Variants in AP1S3 observed in about 807,000 individuals in gnomAD.
The protein encoded by AP1S3 is AP-1 complex subunit sigma-3.
AP1S3 carries 10 observed loss-of-function variants against 20.9 expected under a neutral mutation model. The ratio of observed to expected loss-of-function variants is 0.48; its 90% CI spans 0.29 to 0.81. The LOEUF (loss-of-function observed/expected upper bound fraction) is 0.81. AP1S3 is among the 30% of genes least tolerant of loss of function. The pLI, the probability that AP1S3 is intolerant of heterozygous loss-of-function variation, is 0.08. For missense variants in AP1S3, 154 were observed against 183.8 expected (o/e 0.84, Z 0.94); for synonymous variants, 41 against 61.5 (o/e 0.67, Z 1.56).
At chr2:223,798,498 C>A (rs923434405) in intron 1 of AP1S3, among the ~76,000 whole-genome samples, 1 of 152,170 alleles carries the variant, frequency 6.6e-6, no homozygotes, top group Non-Finnish European at 1.5e-5. Context: ...AAGTAACCTG[C>A]AGAATAAAAG....
chr2:223,822,362 GAC>G (rs1244224658), intron 1 of AP1S3, among the ~76,000 whole-genome samples: 3 of 149,418 alleles, frequency 2.0e-5, no homozygotes, highest in Non-Finnish European at 4.4e-5. Context: ...CAGCCTGAGT[GAC>G]ACAGTAAGAT....
chr2:223,769,977 C>T (rs1289046191), intron 3 of AP1S3, among the ~76,000 whole-genome samples: 1 of 152,018 alleles, frequency 6.6e-6, no homozygotes, highest in African/African-American at 2.4e-5. Flanking sequence ...ATCTCCTGAC[C>T]TCGTGATCCA....
At chr2:223,772,897 C>A (rs1175074449) in intron 3 of AP1S3, among the ~76,000 whole-genome samples, 4 of 152,192 alleles carry the variant, frequency 2.6e-5, no homozygotes, top group Non-Finnish European at 5.9e-5. Flanking sequence ...TTGCTCATCA[C>A]TGTTAATTAA....
intron 1 of AP1S3, among the ~76,000 whole-genome samples, chr2:223,836,353 T>G (rs1405317182): frequency 1.3e-5 from 2 of 152,100 alleles, no homozygotes; most frequent in Non-Finnish European, 2.9e-5. Context: ...TCACCAGATC[T>G]CTCATCAGCA....
intron 1 of AP1S3, among the ~76,000 whole-genome samples, chr2:223,784,335 G>A (rs1193344915): frequency 2.6e-5 from 4 of 152,104 alleles, no homozygotes; most frequent in African/African-American, 4.8e-5. Flanking sequence ...TCTGAGGAGA[G>A]GATAAAAGCC....
At chr2:223,806,240 G>C (rs1691576445) in intron 1 of AP1S3, among the ~76,000 whole-genome samples, 9 of 151,284 alleles carry the variant, frequency 5.9e-5, no homozygotes, top group Admixed American at 5.3e-4. Flanking sequence ...CATGTGAAAG[G>C]AATGGTCACA....
At chr2:223,795,915 G>A (rs954395214) in intron 1 of AP1S3, among the ~76,000 whole-genome samples, 1 of 152,192 alleles carries the variant, frequency 6.6e-6, no homozygotes, top group African/African-American at 2.4e-5. Context: ...GCTCACGCCT[G>A]TAATCCCAGC....
chr2:223,776,055 C>T, intron 2 of AP1S3, 46 bp from the exon 3 acceptor site: 1 of 1,466,064 alleles, frequency 6.8e-7, no homozygotes, highest in Admixed American at 1.8e-5. Context: ...ATACATTAAG[C>T]AACCTGGAGA....
At chr2:223,765,501 G>C in intron 3 of AP1S3, 151 bp from the exon 4 acceptor site, 1 of 754,238 alleles carries the variant, frequency 1.3e-6, no homozygotes, top group South Asian at 2.1e-5. Flanking sequence ...AAAAGAACAG[G>C]GAATGTCAGG....
intron 1 of AP1S3, among the ~76,000 whole-genome samples, chr2:223,830,384 C>A (rs1169751730): frequency 6.7e-6 from 1 of 150,028 alleles, no homozygotes; most frequent in African/African-American, 2.5e-5. Context: ...GAGACTGAGG[C>A]AGGAGAATTG....
intron 4 of AP1S3, among the ~76,000 whole-genome samples, chr2:223,763,491 TA>T (rs67644770): frequency 0.2 from 30,852 of 151,412 alleles, 5,656 homozygotes; most frequent in African/African-American, 0.47. Context: ...GTCCTGAAGT[TA>T]AAAAAAAACC....
rs957810268 is a variant in AP1S3, at chr2:223,758,626, C to T, written c.*89G>A. The T allele has an allele frequency of 5.5e-5, 80 of 1,465,066 alleles. No homozygotes were observed. The Middle Eastern group carries it at 8.9e-4, about 16-fold the overall frequency. The allele number at this position is 1,465,066 out of a possible 1,614,324, so 90.8% of individuals were successfully genotyped here. A position where few individuals can be genotyped will look rare whatever the true frequency, so the allele number is the denominator to read the frequency against. ...CTTTAAATTATTTTTGGCATGGTGC[C>T]TGAGGCTCCATCAAAAAACCGGATG... is the stretch of plus-strand genomic sequence containing the variant. On this transcript the variant is annotated 3_prime_UTR_variant, in exon 5 of 5. Coordinates refer to ENST00000396654, the MANE Select transcript of AP1S3 (RefSeq NM_001039569.2).
chr2:223,824,812 G>A (rs1175073097), intron 1 of AP1S3, among the ~76,000 whole-genome samples: 1 of 152,280 alleles, frequency 6.6e-6, no homozygotes, highest in East Asian at 1.9e-4. Flanking sequence ...TGGGATTGCA[G>A]GCGTAAGCCA....
At chr2:223,793,292 A>T (rs572072092) in intron 1 of AP1S3, among the ~76,000 whole-genome samples, 70 of 152,322 alleles carry the variant, frequency 4.6e-4, no homozygotes, top group African/African-American at 1.5e-3. Context: ...TTGCAGCACC[A>T]TTCACAATAG....
At position 223,837,532 on chromosome 2, in the gene AP1S3, T is replaced by C; in HGVS notation, c.-82A>G. The C allele has an allele frequency of 1.0e-6, 1 of 997,758 alleles. No homozygotes were observed. Among genetic ancestry groups the C allele is most frequent in the South Asian group, 4.1e-5 (1 of 24,452 alleles). 61.8% of individuals were successfully genotyped at this position (997,758 alleles called of 1,614,324 possible). On this transcript the variant is annotated 5_prime_UTR_variant, in exon 1 of 5. Transcript: ENST00000396654. Reference sequence around the variant, plus strand: ...GGCGAGAGGCGAGCGCTGGAGCCGGTGCGGCTGACAGGTGAGGCGCCCGGC... The same window carrying C: ...GGCGAGAGGCGAGCGCTGGAGCCGGCGCGGCTGACAGGTGAGGCGCCCGGC...
In AP1S3 at chr2:223,777,755, G is replaced by C; in HGVS notation, c.118C>G (p.Leu40Val). 1 of 1,614,168 alleles carries C rather than the reference G, an allele frequency of 6.2e-7. No homozygotes were observed. Among genetic ancestry groups the C allele is most frequent in the Non-Finnish European group, 8.5e-7 (1 of 1,180,014 alleles). ...KITREIVQII[L>V]SRGHRTSSFV... ...CTGCTTGTCCTGTGACCACGGGAGA[G>C]AATAATCTGAACAATTTCCCGGGTG... Residue 40 changes from leucine (L) to valine (V), a missense_variant, in exon 2 of 5, where the codon CTC (leucine) becomes GTC (valine). Physicochemically the swap from Leu to Val is conservative, Grantham distance 32. Transcript: ENST00000396654.
chr2:223,808,081 G>A (rs1253372427), intron 1 of AP1S3, among the ~76,000 whole-genome samples: 1 of 151,846 alleles, frequency 6.6e-6, no homozygotes, highest in Non-Finnish European at 1.5e-5. Context: ...GTAGAGACAA[G>A]ATTTCACCAT....
chr2:223,828,881 C>T (rs535383343), intron 1 of AP1S3, among the ~76,000 whole-genome samples: 1 of 151,996 alleles, frequency 6.6e-6, no homozygotes, highest in East Asian at 2.0e-4. Context: ...CTCACTCTGT[C>T]ACCCAGGCTG....
chr2:223,773,949 T>C (rs1232365277), intron 3 of AP1S3, among the ~76,000 whole-genome samples: 1 of 152,114 alleles, frequency 6.6e-6, no homozygotes, highest in Non-Finnish European at 1.5e-5. Flanking sequence ...GGTGGGGGGA[T>C]AAAATGAGTC....
Sources: allele counts gnomAD v4.1 joint callset (sites outside exome capture counted in the v4.1 genomes callset), GRCh38; gene constraint gnomAD v4.1.1; transcripts MANE v1.5; gene names NCBI Gene and HGNC (gene_info 2026-07-23, HGNC 2026-07-21).